FAM13B: variants seen among roughly 807,000 people sequenced by gnomAD.
FAM13B encodes family with sequence similarity 13 member B.
In FAM13B, 60 loss-of-function variants were observed where a neutral mutation model predicts 117.3. The ratio of observed to expected loss-of-function variants is 0.51; its 90% CI spans 0.42 to 0.63. The LOEUF (loss-of-function observed/expected upper bound fraction) is 0.63. FAM13B is among the 30% of genes least tolerant of loss of function. The probability of loss-of-function intolerance (pLI) is 0.00; values close to 1 mark genes in which losing one functional copy is unlikely to be tolerated. For synonymous variants in FAM13B, 332 were observed against 356.1 expected (o/e 0.93, Z 0.76); for missense variants, 972 against 1,091.9 (o/e 0.89, Z 1.55).
rs1427285047 is a variant in FAM13B, at chr5:138,019,114, C to CT, written c.-4dup. 4 of 1,610,832 alleles carry CT rather than the reference C, an allele frequency of 2.5e-6. No individual in the cohort carries two copies. Among genetic ancestry groups the CT allele is most frequent in the East Asian group, 2.2e-5 (1 of 44,798 alleles). On this transcript the variant is annotated 5_prime_UTR_variant, in exon 3 of 24. Transcript: ENST00000689681. ...GAAGGGGAGGAGCTCTTCCTCATAT[C>CT]TTTTTTGCAGCCAGAAATCAAAGCT...
Position 137,945,923 on chromosome 5 carries a change from T to C in FAM13B, c.2319A>G (p.Arg773=). The C allele has an allele frequency of 6.2e-7, 1 of 1,613,140 alleles. No homozygotes were observed. The highest frequency in any genetic ancestry group is 8.5e-7 in the Non-Finnish European group (1 of 1,179,342). ...TTACAAGGACAGGAGTGATGCTAGC[T>C]CTTGTCAGCATTTGTTTTACAAGCC... The part of the protein sequence containing the change: ...RYRLVKQMLT[R]ASITPVLGSP... The change falls in exon 20 of 24, where the codon AGA becomes AGG. Residue 773 remains arginine, a synonymous_variant. Transcript: ENST00000689681.
At chr5:137,972,697 A>G (rs1023859554) in intron 10 of FAM13B, among the ~76,000 whole-genome samples, 11 of 151,948 alleles carry the variant, frequency 7.2e-5, no homozygotes, top group African/African-American at 1.9e-4. Context: ...ACATGATTGT[A>G]TATCTAGAAA....
Position 138,011,959 on chromosome 5 carries a change from A to G in FAM13B, c.371-14T>C. ...CATTATTATAATCTATAAAACAATA[A>G]TAACAGGTTTTTTTCAATAAAGGAA... On this transcript the variant is annotated splice_polypyrimidine_tract_variant and intron_variant, in intron 4 of 23. Transcript: ENST00000689681. The G allele has an allele frequency of 1.9e-6, 3 of 1,545,668 alleles. No individual in the cohort carries two copies. Among genetic ancestry groups the G allele is most frequent in the Non-Finnish European group, 2.6e-6 (3 of 1,147,102 alleles).
intron 7 of FAM13B, among the ~76,000 whole-genome samples, chr5:138,000,929 C>CAAAAAAAAAAAAAAAAAA (rs137895601): frequency 5.6e-5 from 1 of 17,928 alleles, no homozygotes; most frequent in Non-Finnish European, 1.2e-4. Flanking sequence ...GACACTGTCT[C>CAAAAAAAAAAAAAAAAAA]AAAAAACAAA....
At chr5:138,041,699 G>A (rs1181871699) in intron 1 of FAM13B, among the ~76,000 whole-genome samples, 1 of 152,010 alleles carries the variant, frequency 6.6e-6, no homozygotes, top group Non-Finnish European at 1.5e-5. Context: ...CACTTTGGGA[G>A]GCCAAGGCAG....
intron 1 of FAM13B, among the ~76,000 whole-genome samples, chr5:138,022,022 G>A (rs897019716): frequency 6.6e-5 from 10 of 151,804 alleles, no homozygotes; most frequent in Non-Finnish European, 1.2e-4. Flanking sequence ...GCTGAGGCAG[G>A]AGGATCACTT....
chr5:137,991,322 T>C (rs1261877955), intron 7 of FAM13B, among the ~76,000 whole-genome samples: 1 of 152,224 alleles, frequency 6.6e-6, no homozygotes, highest in Non-Finnish European at 1.5e-5. Flanking sequence ...TATCAGAAAT[T>C]GTCTTTATAT....
chr5:138,036,864 T>C, upstream of FAM13B: 1 of 340,240 alleles, frequency 2.9e-6, no homozygotes, highest in Non-Finnish European at 5.7e-6. Context: ...TTTAAACTTT[T>C]TTTTTCCTTC....
rs1764167636 is a variant in FAM13B, at chr5:137,948,944, C to T, written c.2160+11G>A. The T allele has an allele frequency of 6.2e-7, 1 of 1,604,396 alleles. No individual in the cohort carries two copies. On this transcript the variant is annotated intron_variant, in intron 18 of 23. Transcript: ENST00000689681. ...AGGCTAATCTGGGCAAAAATCATAG[C>T]TCAAGATTACCTTGATATCTTCTGG... is the stretch of plus-strand genomic sequence containing the variant.
At chr5:137,978,182 A>G (rs1774580565) in intron 10 of FAM13B, among the ~76,000 whole-genome samples, 1 of 152,116 alleles carries the variant, frequency 6.6e-6, no homozygotes, top group Admixed American at 6.5e-5. Flanking sequence ...TGATTTATCT[A>G]ATCATTTTCC....
At chr5:137,979,085 T>G (rs899156810) in intron 10 of FAM13B, among the ~76,000 whole-genome samples, 1 of 151,564 alleles carries the variant, frequency 6.6e-6, no homozygotes, top group Non-Finnish European at 1.5e-5. Flanking sequence ...TAATCTCAGC[T>G]CACTGCAACC....
chr5:138,025,584 T>C (rs1237332725), intron 1 of FAM13B, among the ~76,000 whole-genome samples: 1 of 152,086 alleles, frequency 6.6e-6, no homozygotes, highest in Non-Finnish European at 1.5e-5. Context: ...CAAGGTACTT[T>C]TGCATTCCAT....
chr5:137,962,419 A>G lies in FAM13B; in HGVS notation c.1230T>C (p.Asp410=). The change falls in exon 11 of 24, where the codon GAT becomes GAC. Residue 410 remains aspartate, a synonymous_variant. Coordinates refer to ENST00000689681, the MANE Select transcript of FAM13B (RefSeq NM_001385994.1). The stretch of plus-strand genomic sequence containing the variant: ...AAAATGCTTACCTCTCAAGACAGCC[A>G]TCTTCACTATCACCACGGTCACTGC... ...EPCSDRGDSE[D]GCLEREEYLL... is the part of the protein sequence containing the mutation. 1.2e-6 allele frequency: 2 copies of G among 1,613,852 alleles called. No individual in the cohort carries two copies. Among genetic ancestry groups the G allele is most frequent in the Non-Finnish European group, 1.7e-6 (2 of 1,179,798 alleles).
chr5:137,992,869 G>A (rs995788639), intron 7 of FAM13B, among the ~76,000 whole-genome samples: 8 of 152,148 alleles, frequency 5.3e-5, no homozygotes, highest in Non-Finnish European at 7.3e-5. Context: ...TCATCTGCAT[G>A]CACATGTACA....
chr5:138,040,141 G>C (rs898223643), intron 1 of FAM13B, among the ~76,000 whole-genome samples: 1 of 151,678 alleles, frequency 6.6e-6, no homozygotes, highest in South Asian at 2.1e-4. Context: ...GCGCATGCCT[G>C]TAATCCCAGC....
At chr5:137,976,920 A>G (rs1247265808) in intron 10 of FAM13B, among the ~76,000 whole-genome samples, 2 of 152,366 alleles carry the variant, frequency 1.3e-5, no homozygotes, top group South Asian at 2.1e-4. Context: ...ACAGGATAAC[A>G]GCAATGTTCA....
At chr5:137,945,876 A>G (rs773114267) in intron 20 of FAM13B, 26 bp downstream of exon 20, 21 of 1,537,610 alleles carry the variant, frequency 1.4e-5, no homozygotes, top group Non-Finnish European at 1.9e-5. Context: ...AAAATGAACC[A>G]GAGAATTATT....
At chr5:138,009,529 G>A (rs1421974321) in intron 6 of FAM13B, among the ~76,000 whole-genome samples, 27 of 152,138 alleles carry the variant, frequency 1.8e-4, no homozygotes, top group Non-Finnish European at 2.9e-5. Context: ...AGGGGACCAG[G>A]TGCAGTGGCT....
chr5:137,959,814 C>T, intron 12 of FAM13B, 51 bp from the exon 13 acceptor site: 1 of 1,574,926 alleles, frequency 6.3e-7, no homozygotes, highest in Non-Finnish European at 8.7e-7. Flanking sequence ...GCTTTTCACA[C>T]CCAGCTTAAA....
Sources: gnomAD v4.1 joint callset for allele counts (sites outside exome capture counted in the v4.1 genomes callset) on GRCh38, gnomAD v4.1.1 for gene constraint, MANE v1.5 for transcripts, NCBI Gene and HGNC (gene_info 2026-07-23, HGNC 2026-07-21) for gene names.